The following ZNF667 variants were observed in gnomAD, a reference collection of about 807,000 sequenced individuals.
The protein encoded by ZNF667 is zinc finger protein 667, also known as myocardial ischemic preconditioning upregulated 1 ortholog.
In ZNF667, 13 loss-of-function variants were observed where a neutral mutation model predicts 31.8. That is an observed-to-expected ratio of 0.41 (90% CI 0.27 to 0.65). The LOEUF (loss-of-function observed/expected upper bound fraction) is 0.65. ZNF667 is among the 30% of genes least tolerant of loss of function. The probability of loss-of-function intolerance (pLI) is 0.32; values close to 1 mark genes in which losing one functional copy is unlikely to be tolerated. For missense variants in ZNF667, 642 were observed against 725.6 expected (o/e 0.88, Z 1.32); for synonymous variants, 228 against 247.1 (o/e 0.92, Z 0.73).
Position 56,441,244 on chromosome 19 carries a change from T to G in ZNF667, c.1751A>C (p.Glu584Ala), listed in dbSNP as rs2042593683. 2 of 1,613,990 alleles carry G rather than the reference T, an allele frequency of 1.2e-6. No individual in the cohort carries two copies. The highest frequency in any genetic ancestry group is 1.7e-6 in the Non-Finnish European group (2 of 1,179,970). Residue 584 changes from glutamate to alanine, a missense_variant, in exon 7 of 7, where the codon GAA (glutamate) becomes GCA (alanine). By Grantham distance (107) the Glu-to-Ala change is moderately radical. Coordinates refer to ENST00000504904, the MANE Select transcript of ZNF667 (RefSeq NM_001321356.2). The surrounding 1 kb of genome is among the most constrained non-coding windows in gnomAD (Gnocchi z 4.2). ...ATATGCCTTCCCACATTTACTACAT[T>G]CATAGGGTTTCTCTGAAGAATGACT... ...QRSHSSEKPY[E>A]CSKCGKAYSR... is the part of the protein sequence containing the mutation.
chr19:56,476,702 G>A (rs2043416832), intron 1 of ZNF667, among the ~76,000 whole-genome samples: 1 of 152,098 alleles, frequency 6.6e-6, no homozygotes, highest in Non-Finnish European at 1.5e-5. Context: ...TCCCCTGTGG[G>A]CCTCCATTTC....
At chr19:56,455,826 C>G (rs2042919873) in intron 6 of ZNF667, among the ~76,000 whole-genome samples, 2 of 152,160 alleles carry the variant, frequency 1.3e-5, no homozygotes, top group African/African-American at 2.4e-5. Flanking sequence ...CTCACATACC[C>G]TGATGTGATT....
At chr19:56,448,751 A>C (rs1429136894) in intron 6 of ZNF667, among the ~76,000 whole-genome samples, 1 of 152,176 alleles carries the variant, frequency 6.6e-6, no homozygotes, top group African/African-American at 2.4e-5. Flanking sequence ...CCCTAAAGGG[A>C]AAAACAGGCC....
intron 6 of ZNF667, among the ~76,000 whole-genome samples, chr19:56,450,513 A>T (rs2042798983): frequency 6.6e-6 from 1 of 152,222 alleles, no homozygotes; most frequent in Non-Finnish European, 1.5e-5. Context: ...AATGACGAAT[A>T]AAAAGTCATC....
In ZNF667 at chr19:56,440,469, G is replaced by T; in HGVS notation, c.*693C>A. 1 of 514,820 alleles carries T rather than the reference G, an allele frequency of 1.9e-6. No homozygotes were observed. The highest frequency in any genetic ancestry group is 2.5e-6 in the Non-Finnish European group (1 of 400,134). 31.9% of individuals were successfully genotyped at this position (514,820 alleles called of 1,614,324 possible). On this transcript the variant is annotated 3_prime_UTR_variant, in exon 7 of 7. Coordinates refer to ENST00000504904, the MANE Select transcript of ZNF667 (RefSeq NM_001321356.2). ...TCAGCTGAAAGTGGCACCCTGTTTTGCCGAGAAGTTCCTTATATTTGATAA... is the reference window on the plus strand; with the variant it reads ...TCAGCTGAAAGTGGCACCCTGTTTTTCCGAGAAGTTCCTTATATTTGATAA...
At chr19:56,456,746 T>C (rs1415123530) in intron 6 of ZNF667, among the ~76,000 whole-genome samples, 3 of 152,146 alleles carry the variant, frequency 2.0e-5, no homozygotes, top group Non-Finnish European at 2.9e-5. Context: ...AGCAGAAATA[T>C]ATAAACCTTA....
intron 6 of ZNF667, among the ~76,000 whole-genome samples, chr19:56,447,287 C>A (rs996255408): frequency 6.6e-6 from 1 of 151,958 alleles, no homozygotes; most frequent in African/African-American, 2.4e-5. Context: ...GCTTACTATA[C>A]AAGCAGAAAA....
intron 3 of ZNF667, 90 bp downstream of exon 3, chr19:56,471,609 T>C (rs1479253711): frequency 6.6e-6 from 1 of 152,238 alleles, no homozygotes; most frequent in African/African-American, 2.4e-5. Flanking sequence ...TCTTTTGATT[T>C]CTTGTTTTGA....
At chr19:56,468,939 TAAG>T (rs1231499556) in intron 3 of ZNF667, 3 of 152,334 alleles carry the variant, frequency 2.0e-5, no homozygotes, top group Non-Finnish European at 4.4e-5. Context: ...TTCAGGACTG[TAAG>T]AGAATAAATG....
At chr19:56,461,646 T>C (rs1009188403) in intron 4 of ZNF667, among the ~76,000 whole-genome samples, 3 of 152,166 alleles carry the variant, frequency 2.0e-5, no homozygotes, top group Non-Finnish European at 4.4e-5. Flanking sequence ...AGCTGCCAAG[T>C]TTGCAGCTAA....
At chr19:56,469,846 T>A in intron 3 of ZNF667, 1 of 439,892 alleles carries the variant, frequency 2.3e-6, no homozygotes, top group Non-Finnish European at 4.6e-6. Flanking sequence ...GCTAACTGAA[T>A]GACTGAATGG....
intron 1 of ZNF667, among the ~76,000 whole-genome samples, chr19:56,476,446 C>T (rs2043408967): frequency 6.6e-6 from 1 of 152,184 alleles, no homozygotes; most frequent in Non-Finnish European, 1.5e-5. Flanking sequence ...ACCACTACCT[C>T]TGCCTCTGTA....
intron 1 of ZNF667, chr19:56,475,504 C>T (rs2043386148): frequency 1.3e-5 from 2 of 152,328 alleles, no homozygotes; most frequent in East Asian, 3.9e-4. Context: ...CTGACAGTGT[C>T]TGGAGACATT....
rs530838094 is a variant in ZNF667 at position 56,441,068 on chromosome 19, G to A, written c.*94C>T. The A allele has an allele frequency of 2.0e-6, 3 of 1,484,134 alleles. No homozygotes were observed. The African/African-American group carries it at 4.2e-5, about 21-fold the overall frequency. The allele number at this position is 1,484,134 out of a possible 1,614,324, so 91.9% of individuals were successfully genotyped here. ...TTCAAAGTGGGACATATCATCAAAT[G>A]GTCCCATATACACAAAATTTACATT... On this transcript the variant is annotated 3_prime_UTR_variant, in exon 7 of 7. Coordinates refer to ENST00000504904, the MANE Select transcript of ZNF667 (RefSeq NM_001321356.2). The surrounding 1 kb of genome is among the most constrained non-coding windows in gnomAD (Gnocchi z 4.2).
chr19:56,458,029 T>G, intron 6 of ZNF667, 126 bp downstream of exon 6: 2 of 850,012 alleles, frequency 2.4e-6, no homozygotes, highest in South Asian at 3.0e-5. Flanking sequence ...GCATTGATCT[T>G]GGACTTCTCA....
chr19:56,454,917 A>G (rs948745895), intron 6 of ZNF667, among the ~76,000 whole-genome samples: 8 of 152,118 alleles, frequency 5.3e-5, no homozygotes, highest in Non-Finnish European at 1.0e-4. Context: ...ATATTTGCAA[A>G]CTACCCATCT....
At position 56,442,538 on chromosome 19, in the gene ZNF667, A is replaced by G. The variant is rs1323865911; in HGVS notation, c.457T>C (p.Phe153Leu). The change falls in exon 7 of 7, where the codon TTT becomes CTT. Residue 153 changes from phenylalanine to leucine, a missense_variant. By Grantham distance (22) the Phe-to-Leu change is conservative. Coordinates refer to ENST00000504904, the MANE Select transcript of ZNF667 (RefSeq NM_001321356.2). ...PLKCNDCGKT[F>L]SRSFSLKLHQ... The stretch of plus-strand genomic sequence containing the variant: ...AGTTTAAGAGAGAAGCTTCGACTAA[A>G]GGTTTTACCACAGTCATTACATTTT... 1.2e-6 allele frequency: 2 copies of G among 1,613,942 alleles called. No homozygotes were observed. The highest frequency in any genetic ancestry group is 1.7e-6 in the Non-Finnish European group (2 of 1,179,936).
chr19:56,452,645 C>T (rs62121593), intron 6 of ZNF667, among the ~76,000 whole-genome samples: 58,631 of 151,768 alleles, frequency 0.39, 11,930 homozygotes, highest in Middle Eastern at 0.53. Context: ...AGAGCCTGGG[C>T]GCGGTGGCTC....
Position 56,458,137 on chromosome 19 carries a change from T to G in ZNF667, c.253+18A>C. 6.2e-7 allele frequency: 1 copy of G among 1,611,184 alleles called. No homozygotes were observed. The highest frequency in any genetic ancestry group is 8.5e-7 in the Non-Finnish European group (1 of 1,177,230). On this transcript the variant is annotated intron_variant, in intron 6 of 6. Transcript: ENST00000504904. ...CCCCAGTAGACTGAGACATATGCCT[T>G]GGTTCTCTGTCACTCACCAGGAGCC... is the stretch of plus-strand genomic sequence containing the variant.
Sources: gnomAD v4.1 joint callset for allele counts (sites outside exome capture counted in the v4.1 genomes callset) on GRCh38, gnomAD v4.1.1 for gene constraint, Gnocchi (gnomAD v3.1) non-coding constraint, MANE v1.5 for transcripts, NCBI Gene and HGNC (gene_info 2026-07-23, HGNC 2026-07-21) for gene names.